Variants in GPR137B observed in about 807,000 individuals in gnomAD.
The protein encoded by GPR137B is integral membrane protein GPR137B.
A neutral mutation model predicts 42.5 loss-of-function variants in GPR137B; 42 were observed. The ratio of observed to expected loss-of-function variants is 0.99; its 90% CI spans 0.77 to 1.28. The LOEUF is 1.28. GPR137B is among the 50% of genes most tolerant of loss of function. The pLI is 0.00. For synonymous variants in GPR137B, 218 were observed against 209.7 expected (o/e 1.04, Z -0.34); for missense variants, 487 against 493.9 (o/e 0.99, Z 0.13).
chr1:236,200,493 CTAA>C (rs1663461974), intron 5 of GPR137B, among the ~76,000 whole-genome samples: 3 of 151,892 alleles, frequency 2.0e-5, no homozygotes, highest in South Asian at 4.1e-4. Flanking sequence ...TTCTTAATGT[CTAA>C]TAATAATTGT....
At chr1:236,191,382 T>C (rs554156979) in intron 5 of GPR137B, among the ~76,000 whole-genome samples, 104 of 152,326 alleles carry the variant, frequency 6.8e-4, no homozygotes, top group African/African-American at 2.4e-3. Flanking sequence ...TTTGTTCCCT[T>C]GCTGGCGAGG....
At chr1:236,202,992 G>A (rs1186672458) in intron 5 of GPR137B, among the ~76,000 whole-genome samples, 1 of 152,186 alleles carries the variant, frequency 6.6e-6, no homozygotes, top group East Asian at 1.9e-4. Flanking sequence ...TTGGCAGTTT[G>A]TTGAAAATGA....
At chr1:236,167,753 G>A (rs1662403124) in intron 1 of GPR137B, among the ~76,000 whole-genome samples, 1 of 152,258 alleles carries the variant, frequency 6.6e-6, no homozygotes, top group East Asian at 1.9e-4. Flanking sequence ...CCCCCACTGA[G>A]ATCCCCATGA....
At chr1:236,178,790 T>G (rs56069990) in intron 3 of GPR137B, among the ~76,000 whole-genome samples, 154 bp downstream of exon 3, 3,370 of 62,248 alleles carry the variant, frequency 0.054, 273 homozygotes, top group African/African-American at 0.21. Flanking sequence ...TCGAGGTTTT[T>G]TTTTTTTTTT....
intron 6 of GPR137B, among the ~76,000 whole-genome samples, chr1:236,205,690 G>A (rs1191182384): frequency 1.3e-5 from 2 of 152,046 alleles, no homozygotes; most frequent in Non-Finnish European, 2.9e-5. Context: ...ACCGGTGTGC[G>A]CCACCGCACC....
chr1:236,167,353 C>A (rs1662390702), intron 1 of GPR137B, among the ~76,000 whole-genome samples: 1 of 152,160 alleles, frequency 6.6e-6, no homozygotes, highest in Admixed American at 6.5e-5. Flanking sequence ...TAGGAGAGCT[C>A]CCCAGGACTT....
At chr1:236,178,211 G>T (rs925246087) in intron 2 of GPR137B, among the ~76,000 whole-genome samples, 1 of 152,156 alleles carries the variant, frequency 6.6e-6, no homozygotes, top group African/African-American at 2.4e-5. Flanking sequence ...GGGAAAGTGG[G>T]GTTCAGAGAG....
Position 236,178,438 on chromosome 1 carries a change from C to G in GPR137B, c.489C>G (p.Leu163=), listed in dbSNP as rs762446086. Residue 163 remains leucine, a synonymous_variant, in exon 3 of 7, where the codon CTC becomes CTG. Transcript: ENST00000366592. ...KYRLPLYLAS[L]FISLVFLLVN... The stretch of plus-strand genomic sequence containing the variant: ...GGTTGCCCCTCTACCTGGCCTCCCT[C>G]TTCATCAGCCTTGTTTTCCTGTTGG... 4 of 1,613,786 alleles carry G rather than the reference C, an allele frequency of 2.5e-6. No homozygotes were observed. In the South Asian group the frequency reaches 3.3e-5, roughly 13 times the overall value.
rs529079737 is a variant in GPR137B at position 236,143,921 on chromosome 1, C to G, written c.414+885C>G. Among the ~76,000 whole-genome samples the G allele has an allele frequency of 7.9e-5, 12 of 152,296 alleles. No individual in the cohort carries two copies. In the South Asian group the frequency reaches 1.7e-3, roughly 21 times the overall value. On this transcript the variant is annotated intron_variant, in intron 1 of 6. Coordinates refer to ENST00000366592, the MANE Select transcript of GPR137B (RefSeq NM_003272.4). ...GCGGTGCCGCCGTCATCATCGTCAT[C>G]ATCATCTCTGATTCCCATTAGCTTT...
chr1:236,205,158 C>G lies in GPR137B; in HGVS notation c.999C>G (p.Phe333Leu). 1 of 1,612,786 alleles carries G rather than the reference C, an allele frequency of 6.2e-7. No homozygotes were observed. The highest frequency in any genetic ancestry group is 8.5e-7 in the Non-Finnish European group (1 of 1,178,838). Residue 333 changes from phenylalanine (F) to leucine (L), a missense_variant, in exon 6 of 7, where the codon TTC (phenylalanine) becomes TTG (leucine). Transcript: ENST00000366592. ...CTGGAATGGTCCCCAGCCATGGATT[C>G]AGTCCCAGATCTTATTTCTTTGACA... Reference protein sequence around the residue: ...TNPGMVPSHGFSPRSYFFDNP... With the variant: ...TNPGMVPSHGLSPRSYFFDNP...
intron 5 of GPR137B, among the ~76,000 whole-genome samples, chr1:236,193,018 C>G (rs944737266): frequency 2.0e-5 from 3 of 151,990 alleles, no homozygotes; most frequent in South Asian, 2.1e-4. Context: ...CCTCAGACTC[C>G]CAAATAGCTG....
chr1:236,196,958 C>A (rs971806273), intron 5 of GPR137B, among the ~76,000 whole-genome samples: 2 of 152,134 alleles, frequency 1.3e-5, no homozygotes, highest in African/African-American at 4.8e-5. Flanking sequence ...ATAATGACTC[C>A]TTTACCTCTG....
intron 1 of GPR137B, among the ~76,000 whole-genome samples, chr1:236,149,595 A>T (rs2102889893): frequency 6.6e-6 from 1 of 152,260 alleles, no homozygotes; most frequent in African/African-American, 2.4e-5. Context: ...TTTAGTCAAG[A>T]CGTGTTTATC....
chr1:236,150,601 A>G lies in GPR137B; in HGVS notation c.414+7565A>G, dbSNP rs1472192484. On this transcript the variant is annotated intron_variant, in intron 1 of 6. Coordinates refer to ENST00000366592, the MANE Select transcript of GPR137B (RefSeq NM_003272.4). The surrounding 1 kb of genome is among the most constrained non-coding windows in gnomAD (Gnocchi z 6.2). ...CCCCTCACAGCACATTCAGCATCCA[A>G]CCCCAGTGACCATGCAGGAAGCCTG... Among the ~76,000 whole-genome samples, 1 of 151,918 alleles carries G rather than the reference A, an allele frequency of 6.6e-6. No individual in the cohort carries two copies. Among genetic ancestry groups the G allele is most frequent in the East Asian group, 1.9e-4 (1 of 5,188 alleles).
chr1:236,207,933 G>C (rs1034728395), intron 6 of GPR137B, 117 bp from the exon 7 acceptor site: 4 of 691,724 alleles, frequency 5.8e-6, no homozygotes, highest in Admixed American at 5.5e-5. Flanking sequence ...CCATTTAAAA[G>C]AACTTTAGAG....
In GPR137B at chr1:236,178,457, C is replaced by T. The variant is rs758693036; in HGVS notation, c.508C>T (p.Leu170=). Residue 170 remains leucine, a synonymous_variant, in exon 3 of 7, where the codon CTG becomes TTG. Transcript: ENST00000366592. ...LASLFISLVF[L]LVNLTCAVLV... Reference sequence around the variant, plus strand: ...CTCCCTCTTCATCAGCCTTGTTTTCCTGTTGGTGAATTTAACCTGTGCTGT... The same window carrying T: ...CTCCCTCTTCATCAGCCTTGTTTTCTTGTTGGTGAATTTAACCTGTGCTGT... The T allele has an allele frequency of 2.5e-6, 4 of 1,613,814 alleles. No individual in the cohort carries two copies. The highest frequency in any genetic ancestry group is 3.4e-6 in the Non-Finnish European group (4 of 1,179,988).
Position 236,183,849 on chromosome 1 carries a change from C to T in GPR137B, c.909C>T (p.Leu303=), listed in dbSNP as rs1272893639. The T allele has an allele frequency of 1.2e-6, 2 of 1,605,386 alleles. No homozygotes were observed. Among genetic ancestry groups the T allele is most frequent in the Admixed American group, 1.7e-5 (1 of 59,938 alleles). The change falls in exon 5 of 7, where the codon CTC becomes CTT. Residue 303 remains leucine, a synonymous_variant. Transcript: ENST00000366592. ...GAGTGGTGTTATTTGTTTGGGAACTCTTACCTACCACCTTAGTCGTTTATT... is the reference window on the plus strand; with the variant it reads ...GAGTGGTGTTATTTGTTTGGGAACTTTTACCTACCACCTTAGTCGTTTATT... The part of the protein sequence containing the change: ...LFGVVLFVWE[L]LPTTLVVYFF...
chr1:236,145,768 G>A (rs1359878227), intron 1 of GPR137B, among the ~76,000 whole-genome samples: 1 of 152,248 alleles, frequency 6.6e-6, no homozygotes, highest in Non-Finnish European at 1.5e-5. Flanking sequence ...CTGAGAGGTC[G>A]TAGATGACTT....
At chr1:236,177,675 C>T (rs560400403) in intron 2 of GPR137B, among the ~76,000 whole-genome samples, 2 of 152,098 alleles carry the variant, frequency 1.3e-5, no homozygotes, top group Non-Finnish European at 2.9e-5. Context: ...CCTGCCTCAG[C>T]CTCCTGAGTA....
Sources: allele counts gnomAD v4.1 joint callset (sites outside exome capture counted in the v4.1 genomes callset), GRCh38; gene constraint gnomAD v4.1.1; non-coding constraint Gnocchi (gnomAD v3.1); transcripts MANE v1.5; gene names NCBI Gene and HGNC (gene_info 2026-07-23, HGNC 2026-07-21).